CDH7: variants seen among roughly 807,000 people sequenced by gnomAD.
The protein encoded by CDH7 is cadherin 7.
A neutral mutation model predicts 71.8 loss-of-function variants in CDH7; 25 were observed. The observed-to-expected ratio is 0.35, with a 90% CI of 0.25 to 0.49. The LOEUF is 0.49. CDH7 is among the 20% of genes least tolerant of loss of function. The pLI is 0.99. For synonymous variants in CDH7, 381 were observed against 363.8 expected, an observed-to-expected ratio of 1.05 and a Z score of -0.54; for missense variants, 862 against 974.6, an observed-to-expected ratio of 0.88 and a Z score of 1.54.
chr18:65,752,996 G>T (rs1338852291), intron 1 of CDH7, among the ~76,000 whole-genome samples: 1 of 152,120 alleles, frequency 6.6e-6, no homozygotes, highest in Non-Finnish European at 1.5e-5. Flanking sequence ...ATAGCACAGA[G>T]CTTTTTCCTT....
At position 65,880,504 on chromosome 18, in the gene CDH7, G is replaced by A. The variant is rs748475254; in HGVS notation, c.1968G>A (p.Glu656=). ...AAAATATTGTGAGATACGATGACGAGGGCGGGGGAGAGGAGGACACGGAAG... is the reference window on the plus strand; with the variant it reads ...AAAATATTGTGAGATACGATGACGAAGGCGGGGGAGAGGAGGACACGGAAG... ...IRENIVRYDD[E]GGGEEDTEAF... Residue 656 remains glutamate, a synonymous_variant, in exon 12 of 12, where the codon GAG becomes GAA. Transcript: ENST00000397968. The A allele has an allele frequency of 1.2e-6, 2 of 1,611,582 alleles. No homozygotes were observed. The highest frequency in any genetic ancestry group is 2.2e-5 in the South Asian group (2 of 90,740).
At position 65,887,706 on chromosome 18, in the gene CDH7, T is replaced by G. The variant is rs533954608; in HGVS notation, c.*6812T>G. ...TAAATGACTTTTAAATATTTTCTTT[T>G]TAGCTTTTAAGATGTCTATTAGATC... On this transcript the variant is annotated 3_prime_UTR_variant, in exon 12 of 12. Transcript: ENST00000397968. The G allele has an allele frequency of 2.0e-5, 3 of 152,108 alleles. No homozygotes were observed. Among genetic ancestry groups the G allele is most frequent in the Non-Finnish European group, 4.4e-5 (3 of 68,018 alleles). 9.4% of individuals were successfully genotyped at this position (152,108 alleles called of 1,614,324 possible).
intron 2 of CDH7, among the ~76,000 whole-genome samples, chr18:65,777,932 CA>C (rs912410368): frequency 6.6e-6 from 1 of 152,040 alleles, no homozygotes; most frequent in African/African-American, 2.4e-5. Context: ...TGCTGATCTA[CA>C]AGAAAATGCT....
chr18:65,880,843 TA>T lies in CDH7; in HGVS notation c.2310del (p.Lys770AsnfsTer30). The T allele has an allele frequency of 6.2e-7, 1 of 1,614,066 alleles. No homozygotes were observed. Among genetic ancestry groups the T allele is most frequent in the Non-Finnish European group, 8.5e-7 (1 of 1,179,962 alleles). The stretch of plus-strand genomic sequence containing the variant: ...ACCTAAGTGACTGGGGACCTCGCTT[TA>T]AACGACTCGCGGACATGTATGGGAC... ...DYLSDWGPRFKRLADMYGTGQ... is the reference protein window; with the variant it reads ...DYLSDWGPRFXRLADMYGTGQ... On this transcript the variant is annotated frameshift_variant, in exon 12 of 12. Coordinates refer to ENST00000397968, the MANE Select transcript of CDH7 (RefSeq NM_004361.5). LOFTEE classifies it high-confidence loss of function.
At chr18:65,833,768 A>C (rs114891254) in intron 6 of CDH7, among the ~76,000 whole-genome samples, 3,989 of 152,320 alleles carry the variant, frequency 0.026, 68 homozygotes, top group African/African-American at 0.045. Flanking sequence ...AGAAATTAAC[A>C]TTCTTTGAAG....
intron 2 of CDH7, among the ~76,000 whole-genome samples, chr18:65,781,508 C>CTT (rs542048485): frequency 7.2e-5 from 11 of 152,116 alleles, no homozygotes; most frequent in Admixed American, 5.2e-4. Context: ...TTGAATGTGG[C>CTT]TTTTTTGGTA....
intron 11 of CDH7, among the ~76,000 whole-genome samples, chr18:65,877,924 T>G (rs896779571): frequency 6.6e-6 from 1 of 152,246 alleles, no homozygotes; most frequent in African/African-American, 2.4e-5. Flanking sequence ...CTTTAGCCTT[T>G]GTTTTTTAAT....
At chr18:65,871,999 C>A (rs886658537) in intron 11 of CDH7, among the ~76,000 whole-genome samples, 4 of 151,842 alleles carry the variant, frequency 2.6e-5, no homozygotes, top group Admixed American at 6.6e-5. Flanking sequence ...AGCCAAGAAA[C>A]CGAGTATGGA....
rs1484605347 is a variant in CDH7 at position 65,886,974 on chromosome 18, T to C, written c.*6080T>C. 6.6e-6 allele frequency: 1 copy of C among 152,158 alleles called. No homozygotes were observed. The highest frequency in any genetic ancestry group is 1.5e-5 in the Non-Finnish European group (1 of 68,006). The allele number at this position is 152,158 out of a possible 1,614,324, so 9.4% of individuals were successfully genotyped here. ...TCAACTTTAGCTCTTAGTTATCTGG[T>C]TATTTTATGCTCATGTGAACAGACA... is the stretch of plus-strand genomic sequence containing the variant. On this transcript the variant is annotated 3_prime_UTR_variant, in exon 12 of 12. Transcript: ENST00000397968.
chr18:65,802,800 G>T (rs761480010), intron 2 of CDH7, among the ~76,000 whole-genome samples: 1 of 152,108 alleles, frequency 6.6e-6, no homozygotes, highest in East Asian at 1.9e-4. Context: ...GGATGAGTGG[G>T]GTTTTCTTTA....
At chr18:65,786,007 A>C (rs1041638408) in intron 2 of CDH7, among the ~76,000 whole-genome samples, 1 of 152,176 alleles carries the variant, frequency 6.6e-6, no homozygotes, top group African/African-American at 2.4e-5. Flanking sequence ...ATTAGCATGC[A>C]GCTTTTGGTT....
intron 6 of CDH7, among the ~76,000 whole-genome samples, chr18:65,827,846 A>C (rs985392297): frequency 6.6e-6 from 1 of 151,950 alleles, no homozygotes; most frequent in African/African-American, 2.4e-5. Context: ...GGGTGTTAAG[A>C]CGAGATATCT....
intron 6 of CDH7, among the ~76,000 whole-genome samples, chr18:65,830,981 G>A (rs891695517): frequency 2.0e-5 from 3 of 151,826 alleles, no homozygotes; most frequent in Non-Finnish European, 4.4e-5. Context: ...AAAAATTGCT[G>A]TTTAAAACTC....
At chr18:65,831,836 C>T (rs1912360779) in intron 6 of CDH7, among the ~76,000 whole-genome samples, 1 of 151,668 alleles carries the variant, frequency 6.6e-6, no homozygotes. Context: ...AATTTGGCCT[C>T]CTTTTATTAC....
At chr18:65,853,199 A>G (rs1039151084) in intron 7 of CDH7, among the ~76,000 whole-genome samples, 5 of 152,168 alleles carry the variant, frequency 3.3e-5, no homozygotes, top group Non-Finnish European at 7.4e-5. Context: ...AAGTTCACAC[A>G]CCGCTAATGG....
rs9961757 is a variant in CDH7, at chr18:65,794,727, A to C, written c.211-14977A>C. Among the ~76,000 whole-genome samples the C allele has an allele frequency of 5.0e-4, 76 of 151,798 alleles. 1 individual carries two copies. In the East Asian group the frequency reaches 7.8e-3, roughly 15 times the overall value. ...TCTCTTCCGAGAGGAGATGGGTGGG[A>C]GTGGAAATGGGCACACTCAGGGCGG... On this transcript the variant is annotated intron_variant, in intron 2 of 11. Coordinates refer to ENST00000397968, the MANE Select transcript of CDH7 (RefSeq NM_004361.5).
chr18:65,818,696 T>A (rs77046939), intron 4 of CDH7, among the ~76,000 whole-genome samples: 3,067 of 152,314 alleles, frequency 0.02, 41 homozygotes, highest in Admixed American at 0.026. Context: ...ACCAGTTATA[T>A]CTATTATTCT....
intron 11 of CDH7, among the ~76,000 whole-genome samples, chr18:65,874,796 C>A (rs1268989201): frequency 5.9e-5 from 9 of 151,578 alleles, no homozygotes; most frequent in Middle Eastern, 3.2e-3. Context: ...GCAATGGTAC[C>A]ATTTTGTGAT....
intron 11 of CDH7, among the ~76,000 whole-genome samples, chr18:65,872,010 A>C (rs1405694151): frequency 6.6e-6 from 1 of 152,184 alleles, no homozygotes; most frequent in Non-Finnish European, 1.5e-5. Context: ...CGAGTATGGA[A>C]CTTGAGGAAG....
Sources: allele counts gnomAD v4.1 joint callset (sites outside exome capture counted in the v4.1 genomes callset), GRCh38; gene constraint gnomAD v4.1.1; transcripts MANE v1.5; gene names NCBI Gene and HGNC (gene_info 2026-07-23, HGNC 2026-07-21).